WLS: variants seen among roughly 807,000 people sequenced by gnomAD.
WLS encodes the protein Wnt ligand secretion mediator.
In WLS, 23 loss-of-function variants were observed where a neutral mutation model predicts 62.8. The observed-to-expected ratio is 0.37, with a 90% confidence interval of 0.26 to 0.52. WLS has a LOEUF of 0.52. Ranked by LOEUF, WLS falls within the 20% of genes least tolerant of loss-of-function variation. WLS has a pLI of 0.92. For missense variants in WLS, 615 were observed against 697.3 expected, an observed-to-expected ratio of 0.88 and a Z score of 1.33; for synonymous variants, 246 against 244.1, an observed-to-expected ratio of 1.01 and a Z score of -0.07.
chr1:68,185,236 A>T (rs997947415), intron 2 of WLS, among the ~76,000 whole-genome samples: 18 of 152,242 alleles, frequency 1.2e-4, no homozygotes, highest in Non-Finnish European at 5.9e-5. Context: ...GTGGCCTGTT[A>T]TAAATACGCG....
intron 2 of WLS, among the ~76,000 whole-genome samples, chr1:68,185,223 G>C (rs1359112935): frequency 2.0e-5 from 3 of 152,164 alleles, no homozygotes; most frequent in Non-Finnish European, 2.9e-5. Context: ...GAAAAAACAG[G>C]TTGTGGCCTG....
At chr1:68,211,619 T>C (rs1200328433) in intron 1 of WLS, among the ~76,000 whole-genome samples, 3 of 152,214 alleles carry the variant, frequency 2.0e-5, no homozygotes, top group African/African-American at 7.2e-5. Context: ...GCTTGGATTT[T>C]CCATTCAGTG....
chr1:68,113,214 G>A (rs942631772), intron 11 of WLS, among the ~76,000 whole-genome samples: 2 of 152,166 alleles, frequency 1.3e-5, no homozygotes, highest in Non-Finnish European at 2.9e-5. Flanking sequence ...ATCCTTATAG[G>A]TGGAGGCCTT....
chr1:68,219,041 G>A (rs989124087), intron 1 of WLS, among the ~76,000 whole-genome samples: 5 of 152,078 alleles, frequency 3.3e-5, no homozygotes, highest in South Asian at 2.1e-4. Context: ...TAGCCCTCAC[G>A]GAACAGAAGA....
intron 11 of WLS, among the ~76,000 whole-genome samples, chr1:68,118,280 T>C (rs1646319795): frequency 1.3e-5 from 2 of 152,176 alleles, no homozygotes; most frequent in African/African-American, 4.8e-5. Context: ...ACATGAAACA[T>C]GCTCAGTGTT....
intron 1 of WLS, among the ~76,000 whole-genome samples, chr1:68,224,926 G>A (rs1253784056): frequency 6.6e-6 from 1 of 152,206 alleles, no homozygotes; most frequent in Admixed American, 6.5e-5. Context: ...ATCAAGGACT[G>A]TGGGCTTGAG....
chr1:68,135,125 G>A (rs1255957793), intron 11 of WLS, among the ~76,000 whole-genome samples: 3 of 83,882 alleles, frequency 3.6e-5, no homozygotes, highest in Admixed American at 3.0e-4. Context: ...GACAACCATG[G>A]ACTTTCTTTT....
At chr1:68,115,719 ACAT>A (rs3053519) in intron 11 of WLS, among the ~76,000 whole-genome samples, 39,910 of 151,990 alleles carry the variant, frequency 0.26, 5,299 homozygotes, top group East Asian at 0.34. Flanking sequence ...CTTTTTAAAA[ACAT>A]CAACAAATTT....
downstream of WLS, among the ~76,000 whole-genome samples, chr1:68,123,594 A>T (rs979607770): frequency 1.3e-5 from 2 of 151,984 alleles, no homozygotes; most frequent in Non-Finnish European, 2.9e-5. Context: ...CAAACTCATC[A>T]TCTTGCCCAC....
intron 11 of WLS, among the ~76,000 whole-genome samples, chr1:68,107,823 A>G (rs1377168504): frequency 1.3e-5 from 2 of 152,164 alleles, no homozygotes; most frequent in African/African-American, 4.8e-5. Flanking sequence ...GCACAACGGT[A>G]GAAGCGGCAG....
At chr1:68,170,195 C>T (rs12060101) in intron 2 of WLS, among the ~76,000 whole-genome samples, 5,034 of 89,944 alleles carry the variant, frequency 0.056, 298 homozygotes, top group African/African-American at 0.19. Context: ...GATGGAGTTT[C>T]GCTCTTCTTG....
chr1:68,132,358 C>T (rs1646539534), intron 11 of WLS, among the ~76,000 whole-genome samples: 1 of 152,182 alleles, frequency 6.6e-6, no homozygotes, highest in African/African-American at 2.4e-5. Context: ...CATCAGTGCT[C>T]ACAGACATCA....
intron 11 of WLS, among the ~76,000 whole-genome samples, chr1:68,132,418 T>C (rs1249043250): frequency 6.6e-6 from 1 of 152,134 alleles, no homozygotes. Context: ...ATCAGGGAGA[T>C]GGCGTCAATA....
chr1:68,175,986 C>T (rs540268939), intron 2 of WLS, among the ~76,000 whole-genome samples: 8 of 152,294 alleles, frequency 5.3e-5, no homozygotes, highest in African/African-American at 1.4e-4. Context: ...TGACAAGTTT[C>T]GTAAAGGAAA....
intron 1 of WLS, among the ~76,000 whole-genome samples, chr1:68,205,794 A>G (rs1649257551): frequency 6.6e-6 from 1 of 152,260 alleles, no homozygotes; most frequent in South Asian, 2.1e-4. Flanking sequence ...ACTACAAAAC[A>G]GGCTCAGACA....
At position 68,228,339 on chromosome 1, in the gene WLS, C is replaced by T; in HGVS notation, c.106+3855G>A. 2 of 361,414 alleles carry T rather than the reference C, an allele frequency of 5.5e-6. 1 individual carries two copies. Among genetic ancestry groups the T allele is most frequent in the Non-Finnish European group, 1.1e-5 (2 of 185,786 alleles). The allele number at this position is 361,414 out of a possible 1,614,324, so 22.4% of individuals were successfully genotyped here. The stretch of plus-strand genomic sequence containing the variant: ...TTTTAGAAGAGCTGAGAACAGTGAC[C>T]TGCTTTTTCAACCATTATATTTCTG... On this transcript the variant is annotated intron_variant, in intron 1 of 11. Coordinates refer to ENST00000262348, the MANE Select transcript of WLS (RefSeq NM_024911.7).
intron 11 of WLS, chr1:68,127,172 T>C: frequency 3.2e-6 from 1 of 308,570 alleles, no homozygotes; most frequent in Non-Finnish European, 6.5e-6. Context: ...CCAGCCTGGG[T>C]GACAGAGTAA....
At chr1:68,140,476 A>G (rs1204988592) in intron 10 of WLS, among the ~76,000 whole-genome samples, 1 of 152,212 alleles carries the variant, frequency 6.6e-6, no homozygotes, top group East Asian at 1.9e-4. Flanking sequence ...TATATCCTGG[A>G]CATAGTAACA....
intron 1 of WLS, among the ~76,000 whole-genome samples, chr1:68,214,032 A>C (rs1379374751): frequency 1.3e-5 from 2 of 152,258 alleles, no homozygotes; most frequent in South Asian, 2.1e-4. Flanking sequence ...CTGCTGGGAC[A>C]TCCTGTTGCC....
Sources: gnomAD v4.1 joint callset for allele counts (sites outside exome capture counted in the v4.1 genomes callset) on GRCh38, gnomAD v4.1.1 for gene constraint, MANE v1.5 for transcripts, NCBI Gene and HGNC (gene_info 2026-07-23, HGNC 2026-07-21) for gene names.